CWC27: variants seen among roughly 807,000 people sequenced by gnomAD.
The protein encoded by CWC27 is spliceosome-associated protein CWC27 homolog.
A neutral mutation model predicts 63.6 loss-of-function variants in CWC27; 47 were observed. That is an observed-to-expected ratio of 0.74 (90% CI 0.58 to 0.94). The LOEUF is 0.94. Ranked by LOEUF, CWC27 falls within the 40% of genes least tolerant of loss-of-function variation. The pLI, the probability that CWC27 is intolerant of heterozygous loss-of-function variation, is 0.00. For missense variants in CWC27, 495 were observed against 554.3 expected, an observed-to-expected ratio of 0.89 and a Z score of 1.07; for synonymous variants, 175 against 179.8, an observed-to-expected ratio of 0.97 and a Z score of 0.22.
At chr5:64,949,728 G>A (rs1326901951) in intron 11 of CWC27, among the ~76,000 whole-genome samples, 2 of 151,830 alleles carry the variant, frequency 1.3e-5, no homozygotes, top group African/African-American at 4.8e-5. Context: ...TCACACCTTG[G>A]CTTTTACTGT....
rs1580741261 is a variant in CWC27 at position 64,943,652 on chromosome 5, C to A, written c.1043-28051C>A. Among the ~76,000 whole-genome samples, 3 of 152,158 alleles carry A rather than the reference C, an allele frequency of 2.0e-5. No homozygotes were observed. In the South Asian group the frequency reaches 6.2e-4, roughly 32 times the overall value. On this transcript the variant is annotated intron_variant, in intron 11 of 13. Transcript: ENST00000381070. ...GGTAAGAATATAAATACCTCTGCCC[C>A]ATGAACCTTACATTCTACCTATATT... is the stretch of plus-strand genomic sequence containing the variant.
chr5:64,897,475 T>A (rs964941550), intron 11 of CWC27, among the ~76,000 whole-genome samples: 7 of 152,154 alleles, frequency 4.6e-5, no homozygotes, highest in African/African-American at 1.7e-4. Context: ...CTTAGCAAAC[T>A]GTCACAAGGA....
chr5:64,928,074 G>A lies in CWC27; in HGVS notation c.1042+42528G>A, dbSNP rs911079075. 7.2e-5 allele frequency among the ~76,000 whole-genome samples: 11 copies of A among 151,744 alleles called. No individual in the cohort carries two copies. The East Asian group carries it at 1.9e-3, about 27-fold the overall frequency. On this transcript the variant is annotated intron_variant, in intron 11 of 13. Coordinates refer to ENST00000381070, the MANE Select transcript of CWC27 (RefSeq NM_005869.4). Reference sequence around the variant, plus strand: ...GGAGGCTGAAGCAGGATAATCAGTTGAACACGGGAGGCCAAGGTTGCAGTG... The same window carrying A: ...GGAGGCTGAAGCAGGATAATCAGTTAAACACGGGAGGCCAAGGTTGCAGTG...
At chr5:64,769,395 C>A (rs1743158100) in intron 1 of CWC27, among the ~76,000 whole-genome samples, 1 of 152,198 alleles carries the variant, frequency 6.6e-6, no homozygotes, top group South Asian at 2.1e-4. Context: ...GTGGAGATTT[C>A]TCTACCTACC....
At chr5:64,816,972 G>C (rs1438380950) in intron 10 of CWC27, among the ~76,000 whole-genome samples, 1 of 152,066 alleles carries the variant, frequency 6.6e-6, no homozygotes, top group South Asian at 2.1e-4. Flanking sequence ...GAGAGAACTT[G>C]TTCCTTTTCC....
At chr5:64,802,372 TTCA>T (rs1234188263) in intron 9 of CWC27, among the ~76,000 whole-genome samples, 1 of 152,170 alleles carries the variant, frequency 6.6e-6, no homozygotes, top group African/African-American at 2.4e-5. Context: ...AGGCCAGAGC[TTCA>T]TTACAGAGCT....
chr5:64,972,625 T>C (rs1749147820), intron 12 of CWC27: 1 of 445,946 alleles, frequency 2.2e-6, no homozygotes, highest in Non-Finnish European at 4.5e-6. Flanking sequence ...CAAACCTGTC[T>C]GGATAATTTC....
At chr5:64,793,775 C>T (rs1744159607) in intron 7 of CWC27, among the ~76,000 whole-genome samples, 1 of 152,102 alleles carries the variant, frequency 6.6e-6, no homozygotes, top group African/African-American at 2.4e-5. Context: ...TTTCTTTTTT[C>T]AGTGACTGCA....
intron 11 of CWC27, among the ~76,000 whole-genome samples, chr5:64,893,418 T>C (rs1379351022): frequency 1.3e-5 from 2 of 152,244 alleles, no homozygotes; most frequent in Non-Finnish European, 2.9e-5. Context: ...GCATTAAACC[T>C]TACTTTGTAC....
chr5:64,771,320 G>A lies in CWC27; in HGVS notation c.42+2132G>A, dbSNP rs1368618936. ...TAATGGTACATTAGGTGCTGAAAGC[G>A]TACAGAGACATTCAGAGTAAATGGG... On this transcript the variant is annotated intron_variant, in intron 1 of 13. Transcript: ENST00000381070. Among the ~76,000 whole-genome samples the A allele has an allele frequency of 6.6e-5, 10 of 152,174 alleles. No homozygotes were observed. The East Asian group carries it at 7.7e-4, about 12-fold the overall frequency.
chr5:65,003,682 C>G (rs1365592313), intron 13 of CWC27, among the ~76,000 whole-genome samples: 3 of 152,136 alleles, frequency 2.0e-5, no homozygotes, highest in Admixed American at 2.0e-4. Context: ...CTATTCTTGA[C>G]TAGCAGTATC....
intron 10 of CWC27, among the ~76,000 whole-genome samples, chr5:64,830,282 A>G (rs557640867): frequency 6.6e-6 from 1 of 151,166 alleles, no homozygotes; most frequent in South Asian, 2.1e-4. Context: ...TTGGTTTTCT[A>G]TCCTTGCGAT....
chr5:64,849,324 C>T (rs1410487454), intron 10 of CWC27, among the ~76,000 whole-genome samples: 1 of 151,218 alleles, frequency 6.6e-6, no homozygotes, highest in Non-Finnish European at 1.5e-5. Context: ...TTAAAGAAGA[C>T]AAAGAAATGG....
chr5:64,882,275 G>T (rs955019276), intron 10 of CWC27, among the ~76,000 whole-genome samples: 5 of 152,140 alleles, frequency 3.3e-5, no homozygotes, highest in Non-Finnish European at 5.9e-5. Context: ...AAAAGATTAT[G>T]GTTCCATGAT....
At chr5:64,815,054 A>G (rs1037374435) in intron 10 of CWC27, among the ~76,000 whole-genome samples, 2 of 152,144 alleles carry the variant, frequency 1.3e-5, no homozygotes, top group Non-Finnish European at 2.9e-5. Context: ...AGTAATAAGC[A>G]TTGAGATAGG....
chr5:64,768,939 C>T lies in CWC27; in HGVS notation c.-208C>T. On this transcript the variant is annotated 5_prime_UTR_variant, in exon 1 of 14. Transcript: ENST00000381070. ...AACCCTTCTCAGGGTTAGCGGTGCT[C>T]GGGTCCGGTAACAACATGGCGGCGT... is the stretch of plus-strand genomic sequence containing the variant. The T allele has an allele frequency of 1.7e-6, 1 of 582,244 alleles. No individual in the cohort carries two copies. The allele number at this position is 582,244 out of a possible 1,614,324, so 36.1% of individuals were successfully genotyped here. A position where few individuals can be genotyped will look rare whatever the true frequency, so the allele number is the denominator to read the frequency against.
At chr5:64,864,204 T>G (rs1335633245) in intron 10 of CWC27, among the ~76,000 whole-genome samples, 2 of 152,222 alleles carry the variant, frequency 1.3e-5, no homozygotes, top group African/African-American at 4.8e-5. Context: ...CTCGTGGATT[T>G]TTATATTTTC....
At chr5:65,004,407 G>A (rs1749790053) in intron 13 of CWC27, among the ~76,000 whole-genome samples, 1 of 145,342 alleles carries the variant, frequency 6.9e-6, no homozygotes, top group South Asian at 2.2e-4. Flanking sequence ...TTGGTGGGGG[G>A]GTGGTCTGAT....
At chr5:64,800,199 G>C in intron 7 of CWC27, 49 bp from the exon 8 acceptor site, 1 of 1,221,668 alleles carries the variant, frequency 8.2e-7, no homozygotes, top group South Asian at 1.3e-5. Context: ...TGTTATTTAG[G>C]AATACTGTTT....
Sources: gnomAD v4.1 joint callset for allele counts (sites outside exome capture counted in the v4.1 genomes callset) on GRCh38, gnomAD v4.1.1 for gene constraint, MANE v1.5 for transcripts, NCBI Gene and HGNC (gene_info 2026-07-23, HGNC 2026-07-21) for gene names.